The following AKT3 variants were observed in gnomAD, a reference collection of about 807,000 sequenced individuals.
AKT3 encodes AKT serine/threonine kinase 3.
A neutral mutation model predicts 65.3 loss-of-function variants in AKT3; 15 were observed. The ratio of observed to expected loss-of-function variants is 0.23; its 90% confidence interval spans 0.15 to 0.35. The LOEUF is 0.35. AKT3 is among the 10% of genes least tolerant of loss of function. The pLI, the probability that AKT3 is intolerant of heterozygous loss-of-function variation, is 1.00. For synonymous variants in AKT3, 206 were observed against 183.8 expected (o/e 1.12, Z -0.98); for missense variants, 243 against 576.5 (o/e 0.42, Z 5.92).
At chr1:243,825,294 T>C (rs906288303) in intron 2 of AKT3, among the ~76,000 whole-genome samples, 5 of 152,114 alleles carry the variant, frequency 3.3e-5, no homozygotes, top group Admixed American at 6.5e-5. Flanking sequence ...AGCTAATGCA[T>C]GTTGGGCTTA....
chr1:243,519,492 G>A (rs546931485), intron 12 of AKT3, among the ~76,000 whole-genome samples: 1 of 152,156 alleles, frequency 6.6e-6, no homozygotes, highest in Non-Finnish European at 1.5e-5. Flanking sequence ...CAAGGGCAAA[G>A]GTCATGGCAA....
intron 4 of AKT3, among the ~76,000 whole-genome samples, chr1:243,658,821 A>G: frequency 6.7e-6 from 1 of 148,174 alleles, no homozygotes; most frequent in East Asian, 2.0e-4. Flanking sequence ...TGAGGCCAGG[A>G]GTTCCAGACA....
chr1:243,795,629 G>A (rs1248405358), intron 2 of AKT3, among the ~76,000 whole-genome samples: 4 of 150,338 alleles, frequency 2.7e-5, no homozygotes, highest in South Asian at 2.1e-4. Flanking sequence ...CCGCCACTAC[G>A]CCCGGCTAAT....
At chr1:243,589,325 G>GAAAAAAAA (rs1296078540) in intron 8 of AKT3, among the ~76,000 whole-genome samples, 1 of 118,096 alleles carries the variant, frequency 8.5e-6, no homozygotes. Flanking sequence ...AAAAAAAAAA[G>GAAAAAAAA]AAAAAAAAAG....
intron 6 of AKT3, among the ~76,000 whole-genome samples, chr1:243,628,977 T>C (rs1679390163): frequency 6.6e-6 from 1 of 152,200 alleles, no homozygotes; most frequent in East Asian, 1.9e-4. Flanking sequence ...AGTGAAAAAC[T>C]AGACTATTAA....
At chr1:243,612,771 T>G (rs1677964382) in intron 8 of AKT3, 1 of 152,116 alleles carries the variant, frequency 6.6e-6, no homozygotes, top group Non-Finnish European at 1.5e-5. Context: ...CCCGGCGTGG[T>G]GGCTCACGCC....
At chr1:243,527,843 G>A (rs1178630093) in intron 12 of AKT3, among the ~76,000 whole-genome samples, 1 of 137,184 alleles carries the variant, frequency 7.3e-6, no homozygotes, top group Non-Finnish European at 1.5e-5. Context: ...TCCAACCTGG[G>A]CATTACAGCA....
chr1:243,798,852 A>G (rs917329172), intron 2 of AKT3, among the ~76,000 whole-genome samples: 4 of 152,150 alleles, frequency 2.6e-5, no homozygotes, highest in Non-Finnish European at 5.9e-5. Flanking sequence ...TTGCTCTTTC[A>G]TTAGTCACCA....
intron 9 of AKT3, among the ~76,000 whole-genome samples, chr1:243,566,919 A>G (rs1278121168): frequency 1.3e-5 from 2 of 152,242 alleles, no homozygotes; most frequent in African/African-American, 4.8e-5. Flanking sequence ...GGAACCCCAT[A>G]AAACATTTCT....
At chr1:243,812,413 C>T (rs1356429103) in intron 2 of AKT3, among the ~76,000 whole-genome samples, 1 of 152,138 alleles carries the variant, frequency 6.6e-6, no homozygotes, top group South Asian at 2.1e-4. Flanking sequence ...CCAAGAGACA[C>T]ATGAAAAAAT....
intron 9 of AKT3, among the ~76,000 whole-genome samples, chr1:243,565,142 T>C (rs1159956579): frequency 6.6e-6 from 1 of 152,216 alleles, no homozygotes; most frequent in Admixed American, 6.5e-5. Flanking sequence ...ATACATTTCA[T>C]GTATAGCATG....
At chr1:243,583,193 TATAC>T (rs1325610240) in intron 8 of AKT3, among the ~76,000 whole-genome samples, 57 of 38,364 alleles carry the variant, frequency 1.5e-3, no homozygotes, top group Middle Eastern at 0.021. Context: ...TATATATATA[TATAC>T]ACACACACAC....
Position 243,726,999 on chromosome 1 carries a change from T to C in AKT3, c.47-31283A>G, listed in dbSNP as rs1338951004. ...TGCCTGAGCTGAGAAGAGATGTCAG[T>C]ATTGTGGTAAAGCCCACCTCCTTGG... On this transcript the variant is annotated intron_variant, in intron 2 of 13. Transcript: ENST00000673466. Among the ~76,000 whole-genome samples the C allele has an allele frequency of 3.9e-5, 6 of 152,200 alleles. No homozygotes were observed. In the East Asian group the frequency reaches 9.6e-4, roughly 24 times the overall value.
chr1:243,510,043 T>C (rs1244077927), intron 13 of AKT3, among the ~76,000 whole-genome samples: 1 of 152,226 alleles, frequency 6.6e-6, no homozygotes, highest in African/African-American at 2.4e-5. Context: ...TAGAGCCTTC[T>C]TATTTCTATG....
chr1:243,769,336 G>A (rs1690027589), intron 2 of AKT3, among the ~76,000 whole-genome samples: 1 of 152,108 alleles, frequency 6.6e-6, no homozygotes, highest in African/African-American at 2.4e-5. Context: ...CCCAGGTGTA[G>A]ACTGCTGAGA....
At chr1:243,560,412 AT>A (rs1371964853) in intron 10 of AKT3, among the ~76,000 whole-genome samples, 3 of 152,230 alleles carry the variant, frequency 2.0e-5, no homozygotes, top group African/African-American at 7.2e-5. Flanking sequence ...TTAAATTCTT[AT>A]TTTTTTAAGG....
At chr1:243,660,582 TAACA>T (rs1682230057) in intron 4 of AKT3, among the ~76,000 whole-genome samples, 1 of 152,132 alleles carries the variant, frequency 6.6e-6, no homozygotes, top group Admixed American at 6.5e-5. Context: ...GAGCTATCTA[TAACA>T]AACCCACAGC....
chr1:243,736,316 T>C (rs1687839888), intron 2 of AKT3, among the ~76,000 whole-genome samples: 1 of 152,194 alleles, frequency 6.6e-6, no homozygotes, highest in African/African-American at 2.4e-5. Flanking sequence ...GAGTAATCAA[T>C]GTTAGAAATT....
At chr1:243,712,211 C>T (rs1038340146) in intron 2 of AKT3, among the ~76,000 whole-genome samples, 1 of 152,090 alleles carries the variant, frequency 6.6e-6, no homozygotes, top group Non-Finnish European at 1.5e-5. Flanking sequence ...GAAATAAATA[C>T]ATGAGACAAA....
Sources: allele counts gnomAD v4.1 joint callset (sites outside exome capture counted in the v4.1 genomes callset), GRCh38; gene constraint gnomAD v4.1.1; transcripts MANE v1.5; gene names NCBI Gene and HGNC (gene_info 2026-07-23, HGNC 2026-07-21).